Variants in ATP6V1D observed in about 807,000 individuals in gnomAD.
ATP6V1D encodes V-type proton ATPase subunit D.
ATP6V1D carries 20 observed loss-of-function variants against 39.4 expected under a neutral mutation model. The observed-to-expected ratio is 0.51, with a 90% CI of 0.36 to 0.74. ATP6V1D has a LOEUF of 0.74. Among genes scored for constraint, ATP6V1D ranks in the 30% least tolerant of loss-of-function variants. ATP6V1D has a pLI of 0.00. For synonymous variants in ATP6V1D, 100 were observed against 100.5 expected (o/e 0.99, Z 0.03); for missense variants, 228 against 291.6 (o/e 0.78, Z 1.59).
chr14:67,350,485 TTTCTTA>T, intron 3 of ATP6V1D, 120 bp downstream of exon 3: 1 of 722,300 alleles, frequency 1.4e-6, no homozygotes, highest in Non-Finnish European at 2.2e-6. Flanking sequence ...AAAAGAATTC[TTTCTTA>T]TTATTACTAT....
At chr14:67,353,654 TA>T (rs2085669326) in intron 1 of ATP6V1D, 1 of 151,518 alleles carries the variant, frequency 6.6e-6, no homozygotes, top group Non-Finnish European at 1.5e-5. Context: ...AGCCCAGCTA[TA>T]TTTTTTTGTA....
At chr14:67,354,019 C>T (rs1288179047) in intron 1 of ATP6V1D, 2 of 151,882 alleles carry the variant, frequency 1.3e-5, no homozygotes, top group Non-Finnish European at 2.9e-5. Context: ...TCACCCTCGC[C>T]TTCTGCCATG....
At chr14:67,348,564 C>T (rs578096945) in intron 4 of ATP6V1D, among the ~76,000 whole-genome samples, 2 of 151,788 alleles carry the variant, frequency 1.3e-5, no homozygotes, top group East Asian at 3.9e-4. Flanking sequence ...CTCTGTCACC[C>T]AGGCTGGAGT....
chr14:67,338,549 A>T lies in ATP6V1D; in HGVS notation c.*72T>A. On this transcript the variant is annotated 3_prime_UTR_variant, in exon 9 of 9. Coordinates refer to ENST00000216442, the MANE Select transcript of ATP6V1D (RefSeq NM_015994.4). ...AGGCCAAAAAATAAATAGCCACACA[A>T]ATCAAACCTACACACTGTGAATTAA... The T allele has an allele frequency of 2.7e-6, 4 of 1,458,818 alleles. No individual in the cohort carries two copies. Among genetic ancestry groups the T allele is most frequent in the Non-Finnish European group, 3.7e-6 (4 of 1,092,458 alleles). The allele number at this position is 1,458,818 out of a possible 1,614,324, so 90.4% of individuals were successfully genotyped here. A position where few individuals can be genotyped will look rare whatever the true frequency, so the allele number is the denominator to read the frequency against.
rs569111376 is a variant in ATP6V1D, at chr14:67,359,750, A to G, written c.-52T>C. ...CCCCGGCCGGGCAACCGAGGCTGCA[A>G]TAGCTCCAGAACTGGCCTCCACAGT... On this transcript the variant is annotated 5_prime_UTR_variant, in exon 1 of 9. Transcript: ENST00000216442. 1.2e-5 allele frequency: 20 copies of G among 1,607,878 alleles called. No homozygotes were observed. The highest frequency in any genetic ancestry group is 1.2e-4 in the Admixed American group (7 of 59,982).
At chr14:67,343,764 G>A (rs1301145392) in intron 6 of ATP6V1D, among the ~76,000 whole-genome samples, 1 of 152,208 alleles carries the variant, frequency 6.6e-6, no homozygotes, top group African/African-American at 2.4e-5. Context: ...CAGCTGCTTG[G>A]TAATCTGTGA....
chr14:67,341,667 ACC>A (rs997464923), intron 7 of ATP6V1D, among the ~76,000 whole-genome samples: 6 of 151,816 alleles, frequency 4.0e-5, no homozygotes, highest in African/African-American at 1.2e-4. Flanking sequence ...CCCGGCCACC[ACC>A]CCGTCTGGGA....
chr14:67,346,722 G>A (rs565097274), intron 5 of ATP6V1D, among the ~76,000 whole-genome samples: 2 of 152,228 alleles, frequency 1.3e-5, no homozygotes, highest in Non-Finnish European at 2.9e-5. Flanking sequence ...GTGGAAGTGG[G>A]CTATAAAAAT....
chr14:67,359,431 G>A (rs1465939387), intron 1 of ATP6V1D, among the ~76,000 whole-genome samples: 3 of 152,182 alleles, frequency 2.0e-5, no homozygotes, highest in Admixed American at 6.5e-5. Flanking sequence ...CCCGCCGGCC[G>A]GGCGCCTTTT....
At chr14:67,356,006 A>C (rs907927957) in intron 1 of ATP6V1D, among the ~76,000 whole-genome samples, 18 of 152,256 alleles carry the variant, frequency 1.2e-4, no homozygotes, top group African/African-American at 4.3e-4. Flanking sequence ...CAAAAAAACA[A>C]GTGTTTGGGT....
chr14:67,349,074 C>T lies in ATP6V1D; in HGVS notation c.270G>A (p.Ala90=), dbSNP rs2274337. The part of the protein sequence containing the change: ...STTVIQNVNK[A]QVKIRAKKDN... ...CTTTCTTCGCTCGAATCTTCACTTG[C>T]GCTTTATTGACATTTTGGATAACTG... Residue 90 remains alanine (A), a synonymous_variant, in exon 4 of 9, where the codon GCG becomes GCA. Transcript: ENST00000216442. 6.2e-6 allele frequency: 10 copies of T among 1,613,942 alleles called. No homozygotes were observed. Among genetic ancestry groups the T allele is most frequent in the African/African-American group, 4.0e-5 (3 of 74,928 alleles).
intron 5 of ATP6V1D, 145 bp downstream of exon 5, chr14:67,347,264 A>G: frequency 1.6e-6 from 1 of 637,086 alleles, no homozygotes; most frequent in Middle Eastern, 4.0e-4. Flanking sequence ...TAACTGATCA[A>G]CTATTGTCCT....
rs752248205 is a variant in ATP6V1D at position 67,340,456 on chromosome 14, G to GCTCT, written c.582_585dup (p.Glu197AlafsTer6). The GCTCT allele has an allele frequency of 3.7e-6, 6 of 1,613,428 alleles. No individual in the cohort carries two copies. The highest frequency in any genetic ancestry group is 2.5e-6 in the Non-Finnish European group (3 of 1,179,662). ...TCAACAAACCTATAGAACTCTTCTC[G>GCTCT]CTCTCTCTCATCCAGCTCTGTGATG... On this transcript the variant is annotated frameshift_variant, in exon 8 of 9. Coordinates refer to ENST00000216442, the MANE Select transcript of ATP6V1D (RefSeq NM_015994.4). LOFTEE classifies it high-confidence loss of function.
chr14:67,351,864 A>AT (rs754708193), intron 2 of ATP6V1D, among the ~76,000 whole-genome samples: 33 of 151,726 alleles, frequency 2.2e-4, no homozygotes, highest in Non-Finnish European at 1.8e-4. Flanking sequence ...TGGAAAAAAT[A>AT]TTTTTAACAT....
chr14:67,359,571 G>A (rs1276750419), intron 1 of ATP6V1D, 87 bp downstream of exon 1: 1 of 1,445,504 alleles, frequency 6.9e-7, no homozygotes, highest in African/African-American at 1.4e-5. Flanking sequence ...CAGGAAACAA[G>A]GACCCTCACT....
intron 1 of ATP6V1D, among the ~76,000 whole-genome samples, chr14:67,359,434 C>A (rs1409650892): frequency 1.3e-5 from 2 of 152,208 alleles, no homozygotes; most frequent in Non-Finnish European, 2.9e-5. Context: ...GCCGGCCGGG[C>A]GCCTTTTCCT....
chr14:67,359,613 G>A (rs187631622), intron 1 of ATP6V1D, 45 bp downstream of exon 1: 1 of 1,611,024 alleles, frequency 6.2e-7, no homozygotes, highest in East Asian at 2.2e-5. Context: ...CCGCGCTCCG[G>A]GTTCCTAAAC....
At chr14:67,346,752 A>G (rs1331842211) in intron 5 of ATP6V1D, among the ~76,000 whole-genome samples, 1 of 152,246 alleles carries the variant, frequency 6.6e-6, no homozygotes, top group Non-Finnish European at 1.5e-5. Context: ...ATCAGCATTC[A>G]GGTTGCATCA....
intron 3 of ATP6V1D, 141 bp downstream of exon 3, chr14:67,350,470 G>C: frequency 1.7e-6 from 1 of 605,326 alleles, no homozygotes; most frequent in Non-Finnish European, 2.7e-6. Flanking sequence ...TAAGGTGATG[G>C]GGTTAAAAGA....
Sources: gnomAD v4.1 joint callset for allele counts (sites outside exome capture counted in the v4.1 genomes callset) on GRCh38, gnomAD v4.1.1 for gene constraint, MANE v1.5 for transcripts, NCBI Gene and HGNC (gene_info 2026-07-23, HGNC 2026-07-21) for gene names.